The following SCML4 variants were observed in gnomAD, a reference collection of about 807,000 sequenced individuals.
SCML4 encodes sex comb on midleg-like protein 4.
Under a neutral mutation model 41.1 loss-of-function variants are expected in SCML4, and 34 were observed. That is an observed-to-expected ratio of 0.83 (90% CI 0.63 to 1.10). The LOEUF (loss-of-function observed/expected upper bound fraction) is 1.10, where lower values mean the gene tolerates loss of function less well. SCML4 is among the 50% of genes least tolerant of loss of function. SCML4 has a pLI of 0.00. For missense variants in SCML4, 522 were observed against 534.1 expected (o/e 0.98, Z 0.22); for synonymous variants, 214 against 220.9 (o/e 0.97, Z 0.28).
chr6:107,815,502 G>T (rs1784498035), intron 1 of SCML4, among the ~76,000 whole-genome samples: 1 of 152,186 alleles, frequency 6.6e-6, no homozygotes, highest in Non-Finnish European at 1.5e-5. Flanking sequence ...ATTTTCTTCA[G>T]AATTCCAAGA....
At chr6:107,795,569 C>G (rs528415682) in intron 1 of SCML4, among the ~76,000 whole-genome samples, 1 of 152,052 alleles carries the variant, frequency 6.6e-6, no homozygotes, top group Non-Finnish European at 1.5e-5. Context: ...GCCCTGTCTC[C>G]CAGGCTTGAG....
chr6:107,839,338 AG>A, the SCML4 span, among the ~76,000 whole-genome samples: 1 of 18,342 alleles, frequency 5.5e-5, no homozygotes, highest in African/African-American at 1.0e-4. Flanking sequence ...AAAGAGAGAG[AG>A]AAAAAGAAAG....
chr6:107,805,485 A>G (rs1449897039), intron 1 of SCML4, among the ~76,000 whole-genome samples: 1 of 152,172 alleles, frequency 6.6e-6, no homozygotes, highest in African/African-American at 2.4e-5. Flanking sequence ...TTCCATTTTC[A>G]TACCCCCATT....
intron 5 of SCML4, among the ~76,000 whole-genome samples, chr6:107,725,717 C>T (rs1340974728): frequency 1.3e-5 from 2 of 152,146 alleles, no homozygotes; most frequent in Non-Finnish European, 1.5e-5. Context: ...GCAAAATATT[C>T]TTAGATTTGA....
At chr6:107,794,575 A>G (rs538067579) in intron 1 of SCML4, among the ~76,000 whole-genome samples, 1 of 150,934 alleles carries the variant, frequency 6.6e-6, no homozygotes, top group Admixed American at 6.6e-5. Flanking sequence ...GTGTGTGTCT[A>G]TATATATATA....
intron 6 of SCML4, among the ~76,000 whole-genome samples, chr6:107,711,357 A>G (rs575261309): frequency 6.6e-6 from 1 of 152,168 alleles, no homozygotes; most frequent in Non-Finnish European, 1.5e-5. Context: ...CGGTGGTCCC[A>G]TAAGATGATA....
At chr6:107,813,403 TATATATATATATATATATATAA>T (rs1394568598) in intron 1 of SCML4, among the ~76,000 whole-genome samples, 2,554 of 58,140 alleles carry the variant, frequency 0.044, 201 homozygotes, top group South Asian at 0.079. Context: ...TATATATATA[TATATATATATATATATATATAA>T]AACTGTAAAA....
chr6:107,820,058 T>C (rs1287331323), intron 1 of SCML4, among the ~76,000 whole-genome samples: 2 of 152,228 alleles, frequency 1.3e-5, no homozygotes, highest in Non-Finnish European at 2.9e-5. Context: ...TATTCCAGAA[T>C]GCACAATTGC....
chr6:107,813,425 A>G (rs9400149), intron 1 of SCML4, among the ~76,000 whole-genome samples: 3 of 9,842 alleles, frequency 3.0e-4, no homozygotes, highest in Non-Finnish European at 6.6e-4. Flanking sequence ...TATATATATA[A>G]AACTGTAAAA....
intron 2 of SCML4, among the ~76,000 whole-genome samples, chr6:107,760,640 G>A (rs1361779655): frequency 6.6e-6 from 1 of 152,134 alleles, no homozygotes; most frequent in Non-Finnish European, 1.5e-5. Context: ...CATCATCTCT[G>A]GAGAAAGGTT....
In SCML4 at chr6:107,705,238, A is replaced by G. The variant is rs1457058946; in HGVS notation, c.1207T>C (p.Cys403Arg). 1.9e-6 allele frequency: 3 copies of G among 1,551,678 alleles called. No individual in the cohort carries two copies. The highest frequency in any genetic ancestry group is 2.7e-5 in the African/African-American group (2 of 73,040). ...GLKLGPALKL[C>R]YHIDKLKQAK... ...TGCTTCAGTTTGTCAATGTGGTAGC[A>G]GAGTTTCAGTGCAGGTCCCAGCTTC... The change falls in exon 8 of 8, where the codon TGC (cysteine) becomes CGC (arginine). Residue 403 changes from cysteine to arginine, a missense_variant. By Grantham distance (180) the Cys-to-Arg change is radical. Transcript: ENST00000369020.
intron 2 of SCML4, among the ~76,000 whole-genome samples, chr6:107,769,880 A>T (rs1780375681): frequency 6.6e-6 from 1 of 152,192 alleles, no homozygotes; most frequent in South Asian, 2.1e-4. Flanking sequence ...TTAACAAAAA[A>T]TGTAAACAAA....
At chr6:107,817,612 C>A (rs1346719391) in intron 1 of SCML4, among the ~76,000 whole-genome samples, 3 of 73,924 alleles carry the variant, frequency 4.1e-5, no homozygotes, top group African/African-American at 6.9e-5. Flanking sequence ...CAGAGGAAGA[C>A]TTCATCTCAA....
intron 2 of SCML4, among the ~76,000 whole-genome samples, chr6:107,769,418 T>C (rs1305548134): frequency 6.6e-6 from 1 of 152,208 alleles, no homozygotes; most frequent in East Asian, 1.9e-4. Context: ...TGTTACATGT[T>C]CTTGAGTCTT....
At chr6:107,808,615 G>A (rs560331362) in intron 1 of SCML4, among the ~76,000 whole-genome samples, 2 of 152,240 alleles carry the variant, frequency 1.3e-5, no homozygotes, top group East Asian at 3.9e-4. Context: ...ATCACATGCA[G>A]AAGTGAGAAA....
intron 6 of SCML4, chr6:107,719,569 C>T (rs1775164952): frequency 6.6e-6 from 1 of 152,230 alleles, no homozygotes; most frequent in African/African-American, 2.4e-5. Context: ...CAGTTCTCAG[C>T]TGTGGAGCTG....
At chr6:107,802,520 G>C (rs973677632) in intron 1 of SCML4, among the ~76,000 whole-genome samples, 1 of 150,348 alleles carries the variant, frequency 6.7e-6, no homozygotes, top group Non-Finnish European at 1.5e-5. Flanking sequence ...GGAGAGAGGT[G>C]GGGGCAGAGC....
At chr6:107,834,122 CT>C in the SCML4 span, among the ~76,000 whole-genome samples, 1 of 152,080 alleles carries the variant, frequency 6.6e-6, no homozygotes, top group African/African-American at 2.4e-5. Flanking sequence ...GAAACTGGGC[CT>C]TTTTTCAAGT....
intron 1 of SCML4, among the ~76,000 whole-genome samples, chr6:107,800,093 C>A (rs567395402): frequency 6.6e-6 from 1 of 151,844 alleles, no homozygotes; most frequent in Non-Finnish European, 1.5e-5. Flanking sequence ...TCAAGCCATC[C>A]TCCCCCCTCA....
Sources: allele counts gnomAD v4.1 joint callset (sites outside exome capture counted in the v4.1 genomes callset), GRCh38; gene constraint gnomAD v4.1.1; transcripts MANE v1.5; gene names NCBI Gene and HGNC (gene_info 2026-07-23, HGNC 2026-07-21).